The following GRIA1 variants were observed in gnomAD, a reference collection of about 807,000 sequenced individuals.
GRIA1 encodes glutamate receptor 1.
A neutral mutation model predicts 99.2 loss-of-function variants in GRIA1; 31 were observed. That is an observed-to-expected ratio of 0.31 (90% CI 0.23 to 0.42). The LOEUF is 0.42. Ranked by LOEUF, GRIA1 falls within the 10% of genes least tolerant of loss-of-function variation. The pLI is 1.00. For missense variants in GRIA1, 782 were observed against 1,157.5 expected (o/e 0.68, Z 4.71); for synonymous variants, 438 against 432.4 (o/e 1.01, Z -0.16).
At chr5:153,534,682 G>A (rs188615596) in intron 2 of GRIA1, among the ~76,000 whole-genome samples, 30 of 152,226 alleles carry the variant, frequency 2.0e-4, no homozygotes, top group African/African-American at 7.2e-4. Context: ...GAGCCTCAGG[G>A]TCATCATTAC....
In GRIA1 at chr5:153,759,930, A is replaced by C. The variant is rs188277247; in HGVS notation, c.1824-4504A>C. Reference sequence around the variant, plus strand: ...TAAACATGATACATCCCATTAATAGAATCAAGAACACAAATTAGATGATCA... The same window carrying C: ...TAAACATGATACATCCCATTAATAGCATCAAGAACACAAATTAGATGATCA... On this transcript the variant is annotated intron_variant, in intron 11 of 15. Coordinates refer to ENST00000285900, the MANE Select transcript of GRIA1 (RefSeq NM_000827.4). 5.5e-4 allele frequency among the ~76,000 whole-genome samples: 84 copies of C among 152,252 alleles called. No individual in the cohort carries two copies. In the East Asian group the frequency reaches 0.015, roughly 27 times the overall value.
chr5:153,540,386 T>C (rs529546399), intron 2 of GRIA1, among the ~76,000 whole-genome samples: 4 of 152,350 alleles, frequency 2.6e-5, no homozygotes, highest in Admixed American at 1.3e-4. Flanking sequence ...TCTGAGTCTA[T>C]GACATGTGTG....
chr5:153,630,850 G>A (rs1408081091), intron 2 of GRIA1, among the ~76,000 whole-genome samples: 9 of 152,172 alleles, frequency 5.9e-5, no homozygotes, highest in African/African-American at 1.7e-4. Context: ...GTGTATGTGT[G>A]GAAGTGCAAG....
intron 5 of GRIA1, among the ~76,000 whole-genome samples, chr5:153,663,068 C>A (rs1755488406): frequency 6.6e-6 from 1 of 151,988 alleles, no homozygotes. Flanking sequence ...AAAGACAAAC[C>A]CCAGATGCCA....
At chr5:153,705,294 T>G (rs1010548555) in intron 10 of GRIA1, among the ~76,000 whole-genome samples, 1 of 152,138 alleles carries the variant, frequency 6.6e-6, no homozygotes, top group Non-Finnish European at 1.5e-5. Context: ...GGGACCTGGG[T>G]CACCTGCTTC....
At chr5:153,576,970 ATGGATGGATGG>A (rs1762589130) in intron 2 of GRIA1, among the ~76,000 whole-genome samples, 1 of 139,582 alleles carries the variant, frequency 7.2e-6, no homozygotes, top group East Asian at 3.1e-4. Flanking sequence ...GGATGGATGG[ATGGATGGATGG>A]ATGGGTGAGT....
chr5:153,580,608 C>T (rs1473488923), intron 2 of GRIA1, among the ~76,000 whole-genome samples: 2 of 152,122 alleles, frequency 1.3e-5, no homozygotes, highest in African/African-American at 2.4e-5. Flanking sequence ...CATGAGGTTC[C>T]TCTGGGATAA....
chr5:153,748,031 G>T (rs1762269510), intron 11 of GRIA1, among the ~76,000 whole-genome samples: 1 of 152,236 alleles, frequency 6.6e-6, no homozygotes, highest in African/African-American at 2.4e-5. Context: ...AGTGCTGAGG[G>T]TGTAGCAGTG....
At chr5:153,548,792 C>A (rs1227877803) in intron 2 of GRIA1, among the ~76,000 whole-genome samples, 1 of 152,140 alleles carries the variant, frequency 6.6e-6, no homozygotes, top group African/African-American at 2.4e-5. Context: ...TCCCTTTAGA[C>A]CTGCTATTCA....
At chr5:153,529,254 G>C (rs959724965) in intron 2 of GRIA1, among the ~76,000 whole-genome samples, 1 of 152,188 alleles carries the variant, frequency 6.6e-6, no homozygotes, top group Non-Finnish European at 1.5e-5. Context: ...CCCAATGCCA[G>C]TTCTTGTAGA....
chr5:153,726,574 A>T (rs1484094790), intron 11 of GRIA1, among the ~76,000 whole-genome samples: 3 of 152,200 alleles, frequency 2.0e-5, no homozygotes, highest in Non-Finnish European at 4.4e-5. Context: ...CACCAATCCC[A>T]CAGAAATACA....
Position 153,650,448 on chromosome 5 carries a change from G to A in GRIA1, c.579G>A (p.Glu193=). The A allele has an allele frequency of 1.2e-6, 2 of 1,613,942 alleles. No homozygotes were observed. The highest frequency in any genetic ancestry group is 1.7e-6 in the Non-Finnish European group (2 of 1,179,930). ...ACCGGATGCTCTTTCAGGACCTGGA[G>A]AAGAAAAAGGAGCGGCTGGTGGTGG... The part of the protein sequence containing the change: ...EGYRMLFQDL[E]KKKERLVVVD... Residue 193 remains glutamate, a synonymous_variant, in exon 4 of 16, where the codon GAG becomes GAA. Transcript: ENST00000285900.
intron 14 of GRIA1, chr5:153,795,404 A>C (rs1277772399): frequency 9.8e-6 from 8 of 816,634 alleles, no homozygotes; most frequent in Non-Finnish European, 1.4e-5. Flanking sequence ...GATGTGAATG[A>C]ATACTGTCTG....
At chr5:153,744,358 G>A (rs1581582936) in intron 11 of GRIA1, among the ~76,000 whole-genome samples, 1 of 152,194 alleles carries the variant, frequency 6.6e-6, no homozygotes, top group African/African-American at 2.4e-5. Context: ...GCTTTCCTGA[G>A]TAAAGATTCT....
At chr5:153,511,914 C>A (rs960458172) in intron 2 of GRIA1, among the ~76,000 whole-genome samples, 2 of 152,180 alleles carry the variant, frequency 1.3e-5, no homozygotes, top group Non-Finnish European at 2.9e-5. Context: ...CTCGTTCCTG[C>A]GAAGCCAGTT....
chr5:153,521,821 C>T (rs187391815), intron 2 of GRIA1, among the ~76,000 whole-genome samples: 1 of 152,342 alleles, frequency 6.6e-6, no homozygotes, highest in East Asian at 1.9e-4. Context: ...AGCACACCCA[C>T]ATCTCACATT....
At chr5:153,578,073 C>G (rs1313043030) in intron 2 of GRIA1, among the ~76,000 whole-genome samples, 1 of 139,744 alleles carries the variant, frequency 7.2e-6, no homozygotes, top group East Asian at 2.1e-4. Context: ...ATCGCTTGAA[C>G]CTAGGAGGCA....
chr5:153,603,777 G>A (rs1057344087), intron 2 of GRIA1, among the ~76,000 whole-genome samples: 5 of 152,280 alleles, frequency 3.3e-5, no homozygotes, highest in African/African-American at 1.2e-4. Context: ...AGTTGCCACC[G>A]CCTAGCTACG....
At chr5:153,792,021 A>G (rs1765333350) in intron 13 of GRIA1, among the ~76,000 whole-genome samples, 1 of 152,226 alleles carries the variant, frequency 6.6e-6, no homozygotes, top group Admixed American at 6.5e-5. Context: ...ATCACAGAGA[A>G]CATAGCTCCA....
Sources: gnomAD v4.1 joint callset for allele counts (sites outside exome capture counted in the v4.1 genomes callset) on GRCh38, gnomAD v4.1.1 for gene constraint, MANE v1.5 for transcripts, NCBI Gene and HGNC (gene_info 2026-07-23, HGNC 2026-07-21) for gene names.